The following CDH17 variants were observed in gnomAD, a reference collection of about 807,000 sequenced individuals.
The protein encoded by CDH17 is cadherin-17.
A neutral mutation model predicts 86.3 loss-of-function variants in CDH17; 67 were observed. The observed-to-expected ratio is 0.78, with a 90% CI of 0.64 to 0.95. CDH17 has a LOEUF of 0.95. Among genes scored for constraint, CDH17 ranks in the 40% least tolerant of loss-of-function variants. CDH17 has a pLI of 0.00. For missense variants in CDH17, 993 were observed against 1,017.6 expected (o/e 0.98, Z 0.33); for synonymous variants, 367 against 366.4 (o/e 1.00, Z -0.02).
intron 1 of CDH17, among the ~76,000 whole-genome samples, chr8:94,205,255 T>TA (rs1477567424): frequency 7.2e-6 from 1 of 138,790 alleles, no homozygotes; most frequent in Non-Finnish European, 1.7e-5. Flanking sequence ...CTATTTCTCA[T>TA]AAAGGGTGGC....
intron 15 of CDH17, among the ~76,000 whole-genome samples, chr8:94,141,281 A>C (rs72670332): frequency 0.15 from 23,233 of 151,274 alleles, 1,957 homozygotes; most frequent in Admixed American, 0.25. Context: ...GAAAAAAAAA[A>C]CCCTCACAAA....
intron 3 of CDH17, among the ~76,000 whole-genome samples, chr8:94,183,304 A>T (rs1228409336): frequency 1.3e-5 from 2 of 152,272 alleles, no homozygotes; most frequent in East Asian, 3.9e-4. Context: ...CCAACAACAA[A>T]GTAGGAAGAC....
Position 94,194,722 on chromosome 8 carries a change from TA to T in CDH17, c.-20-18del. The T allele has an allele frequency of 2.9e-6, 4 of 1,400,584 alleles. No homozygotes were observed. The highest frequency in any genetic ancestry group is 2.3e-5 in the East Asian group (1 of 43,742). 86.8% of individuals were successfully genotyped at this position (1,400,584 alleles called of 1,614,324 possible). A position where few individuals can be genotyped will look rare whatever the true frequency, so the allele number is the denominator to read the frequency against. ...TTCAAATTCCTGTGAAGGAACCAGATAAAAAAATGGTTAGTTACCAGTCTGT... is the reference window on the plus strand; with the variant it reads ...TTCAAATTCCTGTGAAGGAACCAGATAAAAAATGGTTAGTTACCAGTCTGT... On this transcript the variant is annotated intron_variant, in intron 1 of 17. Coordinates refer to ENST00000027335, the MANE Select transcript of CDH17 (RefSeq NM_004063.4).
intron 1 of CDH17, among the ~76,000 whole-genome samples, chr8:94,203,353 T>A (rs1445100471): frequency 6.6e-6 from 1 of 152,160 alleles, no homozygotes; most frequent in Non-Finnish European, 1.5e-5. Context: ...ACAGAATTTG[T>A]TTTCAAATAT....
intron 17 of CDH17, among the ~76,000 whole-genome samples, chr8:94,130,103 G>A (rs1211842488): frequency 3.3e-5 from 5 of 152,202 alleles, no homozygotes; most frequent in Non-Finnish European, 7.3e-5. Context: ...GGCTATGGCA[G>A]AGGCTGTGGT....
At chr8:94,156,725 G>A (rs1418920219) in intron 12 of CDH17, among the ~76,000 whole-genome samples, 1 of 152,220 alleles carries the variant, frequency 6.6e-6, no homozygotes, top group Non-Finnish European at 1.5e-5. Context: ...ACAGGGGAAA[G>A]CATACCTGTC....
At chr8:94,150,189 C>T (rs1197592873) in intron 13 of CDH17, among the ~76,000 whole-genome samples, 1 of 152,054 alleles carries the variant, frequency 6.6e-6, no homozygotes, top group African/African-American at 2.4e-5. Context: ...GGGATTTCAT[C>T]CTGAAAGAGA....
intron 1 of CDH17, among the ~76,000 whole-genome samples, chr8:94,215,957 A>T (rs2129685147): frequency 6.6e-6 from 1 of 152,130 alleles, no homozygotes; most frequent in Non-Finnish European, 1.5e-5. Context: ...CAGTACACAA[A>T]GATTATCTTT....
At chr8:94,150,669 T>G (rs1812839200) in intron 13 of CDH17, among the ~76,000 whole-genome samples, 1 of 152,200 alleles carries the variant, frequency 6.6e-6, no homozygotes. Flanking sequence ...AACTTAATGG[T>G]ATATGTATCC....
intron 8 of CDH17, 111 bp downstream of exon 8, chr8:94,170,743 G>A (rs116769881): frequency 7.2e-7 from 1 of 1,391,944 alleles, no homozygotes; most frequent in Non-Finnish European, 9.8e-7. Context: ...ATATGCTGGA[G>A]TCTGAAATGT....
intron 15 of CDH17, among the ~76,000 whole-genome samples, chr8:94,140,182 G>A (rs1048044520): frequency 6.6e-6 from 1 of 152,160 alleles, no homozygotes; most frequent in South Asian, 2.1e-4. Flanking sequence ...AGCATTTTGG[G>A]AGGCTGAGGT....
chr8:94,179,792 C>T (rs1813443389), intron 3 of CDH17, among the ~76,000 whole-genome samples: 1 of 152,188 alleles, frequency 6.6e-6, no homozygotes, highest in Admixed American at 6.5e-5. Flanking sequence ...ACAGACTTTA[C>T]AGAATTCATT....
chr8:94,131,809 C>G (rs986928807), intron 15 of CDH17, among the ~76,000 whole-genome samples: 1 of 152,092 alleles, frequency 6.6e-6, no homozygotes, highest in Non-Finnish European at 1.5e-5. Context: ...GGTATTTCTC[C>G]TAATGCTATC....
intron 17 of CDH17, 37 bp downstream of exon 17, chr8:94,130,589 C>A: frequency 7.2e-7 from 1 of 1,396,478 alleles, no homozygotes. Flanking sequence ...TTCTGAGGCC[C>A]AGGATAAGAC....
intron 9 of CDH17, 110 bp from the exon 10 acceptor site, chr8:94,166,086 A>G: frequency 3.0e-6 from 2 of 675,564 alleles, no homozygotes; most frequent in South Asian, 3.8e-5. Flanking sequence ...ATAACTTTGA[A>G]TAGCAGACAA....
Position 94,174,102 on chromosome 8 carries a change from C to G in CDH17, c.583G>C (p.Gly195Arg). 1 of 1,613,422 alleles carries G rather than the reference C, an allele frequency of 6.2e-7. No individual in the cohort carries two copies. Among genetic ancestry groups the G allele is most frequent in the Non-Finnish European group, 8.5e-7 (1 of 1,179,590 alleles). Reference sequence around the variant, plus strand: ...CCTACCAGGGCACCCCTGAACTTACCCTCTCGGGTAAGAGAGATGGCTCCC... The same window carrying G: ...CCTACCAGGGCACCCCTGAACTTACGCTCTCGGGTAAGAGAGATGGCTCCC... ...KTGAISLTRE[G>R]SQELNPAKNP... Residue 195 changes from glycine (G) to arginine (R), a missense_variant and splice_region_variant, in exon 6 of 18, where the codon GGA (glycine) becomes CGA (arginine). By Grantham distance (125) the Gly-to-Arg change is moderately radical. Transcript: ENST00000027335.
chr8:94,180,773 T>C (rs1404540971), intron 3 of CDH17, among the ~76,000 whole-genome samples: 1 of 152,078 alleles, frequency 6.6e-6, no homozygotes, highest in African/African-American at 2.4e-5. Flanking sequence ...TGGGCATCTG[T>C]AGTCCCAGCT....
chr8:94,159,366 G>T lies in CDH17; in HGVS notation c.1551+605C>A, dbSNP rs550148863. 1.1e-4 allele frequency among the ~76,000 whole-genome samples: 17 copies of T among 152,242 alleles called. No homozygotes were observed. In the South Asian group the frequency reaches 3.3e-3, roughly 30 times the overall value. ...AAAGGTGAAAGTAAAGCAGCGGAGA[G>T]GGGGATTAAAAAGACACTTGTCTAT... On this transcript the variant is annotated intron_variant, in intron 12 of 17. Transcript: ENST00000027335.
At chr8:94,173,757 A>T (rs1175642313) in intron 7 of CDH17, 40 bp downstream of exon 7, 1 of 1,476,234 alleles carries the variant, frequency 6.8e-7, no homozygotes, top group Non-Finnish European at 9.5e-7. Flanking sequence ...GAAGCCATTT[A>T]TCTAGTTGGC....
Sources: allele counts gnomAD v4.1 joint callset (sites outside exome capture counted in the v4.1 genomes callset), GRCh38; gene constraint gnomAD v4.1.1; transcripts MANE v1.5; gene names NCBI Gene and HGNC (gene_info 2026-07-23, HGNC 2026-07-21).